The following ARID1B variants were observed in gnomAD, a reference collection of about 807,000 sequenced individuals.
ARID1B encodes the protein AT-rich interaction domain 1B, also known as AT-rich interactive domain-containing protein 1B.
Under a neutral mutation model 212.3 loss-of-function variants are expected in ARID1B, and 30 were observed. The ratio of observed to expected loss-of-function variants is 0.14; its 90% CI spans 0.11 to 0.19. The LOEUF is 0.19. Ranked by LOEUF, ARID1B falls within the 10% of genes least tolerant of loss-of-function variation. The pLI is 1.00. For missense variants in ARID1B, 2,891 were observed against 3,204.0 expected, an observed-to-expected ratio of 0.90 and a Z score of 2.36; for synonymous variants, 1,402 against 1,301.7, an observed-to-expected ratio of 1.08 and a Z score of -1.66.
At chr6:157,172,186 G>T (rs1442619367) in intron 9 of ARID1B, among the ~76,000 whole-genome samples, 3 of 152,076 alleles carry the variant, frequency 2.0e-5, no homozygotes, top group Non-Finnish European at 4.4e-5. Flanking sequence ...TAATGTACAG[G>T]TTTACTAATT....
intron 6 of ARID1B, among the ~76,000 whole-genome samples, chr6:157,127,793 A>AC (rs1788238002): frequency 8.2e-6 from 1 of 121,880 alleles, no homozygotes; most frequent in African/African-American, 3.2e-5. Context: ...CAAAAAAAAA[A>AC]AAAAAAAAAA....
rs2128325647 is a variant in ARID1B at position 157,184,371 on chromosome 6, C to G, written c.3855C>G (p.Pro1285=). The part of the protein sequence containing the change: ...FECKIERGEE[P]PPEVFSTGDT... Reference sequence around the variant, plus strand: ...GCAAGATCGAACGTGGGGAGGAGCCCCCGCCGGAAGTCTTCAGCACCGGGG... The same window carrying G: ...GCAAGATCGAACGTGGGGAGGAGCCGCCGCCGGAAGTCTTCAGCACCGGGG... The change falls in exon 13 of 20, where the codon CCC becomes CCG. Residue 1285 remains proline, a synonymous_variant. Coordinates refer to ENST00000636930, the MANE Select transcript of ARID1B (RefSeq NM_001374828.1). The G allele has an allele frequency of 6.2e-7, 1 of 1,614,152 alleles. No individual in the cohort carries two copies. Among genetic ancestry groups the G allele is most frequent in the Non-Finnish European group, 8.5e-7 (1 of 1,180,032 alleles).
At chr6:157,014,836 A>T (rs1282723407) in intron 4 of ARID1B, among the ~76,000 whole-genome samples, 1 of 151,968 alleles carries the variant, frequency 6.6e-6, no homozygotes, top group African/African-American at 2.4e-5. Flanking sequence ...ATTACCAATT[A>T]CCTTATGTAT....
intron 3 of ARID1B, among the ~76,000 whole-genome samples, chr6:156,913,765 C>T (rs560901866): frequency 2.7e-5 from 4 of 149,740 alleles, no homozygotes; most frequent in South Asian, 4.3e-4. Flanking sequence ...CCCATGGTAC[C>T]CCCATTCCAC....
intron 4 of ARID1B, among the ~76,000 whole-genome samples, chr6:157,009,147 T>C (rs1779415197): frequency 6.6e-6 from 1 of 152,140 alleles, no homozygotes; most frequent in Admixed American, 6.5e-5. Flanking sequence ...AGCCATCAGC[T>C]ACAGAGACAG....
chr6:156,940,150 A>G (rs1330241632), intron 4 of ARID1B: 2 of 152,334 alleles, frequency 1.3e-5, no homozygotes, highest in East Asian at 3.9e-4. Context: ...ATAGAATACA[A>G]TCAGTTTGGA....
At chr6:156,886,515 G>A (rs1029664147) in intron 2 of ARID1B, among the ~76,000 whole-genome samples, 1 of 152,152 alleles carries the variant, frequency 6.6e-6, no homozygotes, top group Admixed American at 6.5e-5. Flanking sequence ...GACACAGCAT[G>A]ACCTCCAAAG....
chr6:157,084,911 T>C lies in ARID1B; in HGVS notation c.2491+6T>C. Reference sequence around the variant, plus strand: ...CTCTCCTGCAAGTATCCCAGGTATTTACTTTCCTGACAATTATTATTTTAC... The same window carrying C: ...CTCTCCTGCAAGTATCCCAGGTATTCACTTTCCTGACAATTATTATTTTAC... On this transcript the variant is annotated splice_donor_region_variant and intron_variant, in intron 5 of 19. Transcript: ENST00000636930. 1 of 1,596,716 alleles carries C rather than the reference T, an allele frequency of 6.3e-7. No individual in the cohort carries two copies. The highest frequency in any genetic ancestry group is 8.5e-7 in the Non-Finnish European group (1 of 1,171,454).
rs1794592568 is a variant in ARID1B at position 157,207,971 on chromosome 6, A to G, written c.*80A>G. ...GGCTGTTTTCTGTTCTTGTTTATCC[A>G]GCGTAGGAAGAAGGAAAAGAAAATC... On this transcript the variant is annotated 3_prime_UTR_variant, in exon 20 of 20. Coordinates refer to ENST00000636930, the MANE Select transcript of ARID1B (RefSeq NM_001374828.1). This position sits in a 1 kb window ranked among gnomAD's most constrained non-coding sequence, Gnocchi z 8.5. 1 of 1,366,324 alleles carries G rather than the reference A, an allele frequency of 7.3e-7. No individual in the cohort carries two copies. The highest frequency in any genetic ancestry group is 1.4e-5 in the African/African-American group (1 of 69,706). 84.6% of individuals were successfully genotyped at this position (1,366,324 alleles called of 1,614,324 possible). A position where few individuals can be genotyped will look rare whatever the true frequency, so the allele number is the denominator to read the frequency against.
chr6:156,988,607 C>G (rs114746522), intron 4 of ARID1B, among the ~76,000 whole-genome samples: 10 of 152,292 alleles, frequency 6.6e-5, no homozygotes, highest in Admixed American at 6.5e-4. Context: ...TCTTACCTGC[C>G]AGCTCTGGAC....
intron 4 of ARID1B, among the ~76,000 whole-genome samples, chr6:156,982,947 G>A (rs540651637): frequency 2.0e-5 from 3 of 152,100 alleles, no homozygotes; most frequent in African/African-American, 7.2e-5. Flanking sequence ...TGCATTAAAG[G>A]GCTGATTGGT....
intron 2 of ARID1B, among the ~76,000 whole-genome samples, chr6:156,871,806 C>T (rs1056949570): frequency 1.3e-5 from 2 of 152,188 alleles, no homozygotes; most frequent in African/African-American, 4.8e-5. Context: ...AGGTGCATGT[C>T]CTGCTTGATG....
chr6:156,802,367 C>T (rs952041208), intron 1 of ARID1B, among the ~76,000 whole-genome samples: 6 of 152,128 alleles, frequency 3.9e-5, no homozygotes, highest in African/African-American at 1.4e-4. Context: ...CATATTCTTT[C>T]GTATTCATTC....
chr6:156,977,383 G>C (rs1410054224), intron 4 of ARID1B, among the ~76,000 whole-genome samples: 2 of 150,746 alleles, frequency 1.3e-5, no homozygotes, highest in Non-Finnish European at 2.9e-5. Context: ...TTTGTGGGCT[G>C]TGTCTTCAAT....
chr6:156,783,414 C>A (rs1054986155), intron 1 of ARID1B, among the ~76,000 whole-genome samples: 1 of 151,564 alleles, frequency 6.6e-6, no homozygotes, highest in Non-Finnish European at 1.5e-5. Context: ...AATATAAGCT[C>A]ATTTGATCGT....
At chr6:157,067,705 A>T (rs754927636) in intron 4 of ARID1B, among the ~76,000 whole-genome samples, 3 of 152,138 alleles carry the variant, frequency 2.0e-5, no homozygotes, top group African/African-American at 4.8e-5. Context: ...CTATTTGTTT[A>T]TTCACACAGA....
chr6:157,110,396 G>A (rs1786818802), intron 5 of ARID1B, 76 bp from the exon 6 acceptor site: 9 of 1,262,456 alleles, frequency 7.1e-6, no homozygotes, highest in Admixed American at 1.7e-5. Context: ...AAATGTGGCT[G>A]TGTCTTGGTT....
intron 4 of ARID1B, among the ~76,000 whole-genome samples, chr6:156,958,065 C>T (rs1794097137): frequency 6.6e-6 from 1 of 152,210 alleles, no homozygotes; most frequent in Non-Finnish European, 1.5e-5. Context: ...TCCAAGATCT[C>T]TGATTCATTT....
At position 157,162,728 on chromosome 6, in the gene ARID1B, C is replaced by T. The variant is rs144112378; in HGVS notation, c.3090-4312C>T. The stretch of plus-strand genomic sequence containing the variant: ...ATTGCCATTTAAGAGGAGGAGGGAG[C>T]GGTGCTGTGGTCTAACCCTGGCCCA... On this transcript the variant is annotated intron_variant, in intron 8 of 19. Coordinates refer to ENST00000636930, the MANE Select transcript of ARID1B (RefSeq NM_001374828.1). Among the ~76,000 whole-genome samples the T allele has an allele frequency of 2.6e-5, 4 of 152,302 alleles. No homozygotes were observed. The East Asian group carries it at 5.8e-4, about 22-fold the overall frequency.
Sources: gnomAD v4.1 joint callset for allele counts (sites outside exome capture counted in the v4.1 genomes callset) on GRCh38, gnomAD v4.1.1 for gene constraint, Gnocchi (gnomAD v3.1) non-coding constraint, MANE v1.5 for transcripts, NCBI Gene and HGNC (gene_info 2026-07-23, HGNC 2026-07-21) for gene names.